Variants in OSBPL1A observed in about 807,000 individuals in gnomAD.
OSBPL1A encodes oxysterol-binding protein-related protein 1.
In OSBPL1A, 80 loss-of-function variants were observed where a neutral mutation model predicts 137.1. The ratio of observed to expected loss-of-function variants is 0.58; its 90% CI spans 0.49 to 0.70. The LOEUF (loss-of-function observed/expected upper bound fraction) is 0.70. OSBPL1A is among the 30% of genes least tolerant of loss of function. OSBPL1A has a pLI of 0.00. For missense variants in OSBPL1A, 970 were observed against 1,129.4 expected, an observed-to-expected ratio of 0.86 and a Z score of 2.02; for synonymous variants, 365 against 389.7, an observed-to-expected ratio of 0.94 and a Z score of 0.75.
chr18:24,174,573 C>T (rs551578960), intron 21 of OSBPL1A, among the ~76,000 whole-genome samples: 22 of 152,206 alleles, frequency 1.4e-4, no homozygotes, highest in Non-Finnish European at 2.6e-4. Flanking sequence ...TTTTAAAAAA[C>T]GGATACTCAA....
intron 18 of OSBPL1A, among the ~76,000 whole-genome samples, chr18:24,185,454 G>A (rs932225864): frequency 1.3e-5 from 2 of 151,926 alleles, no homozygotes; most frequent in Non-Finnish European, 2.9e-5. Flanking sequence ...CAAGGAGCTG[G>A]GACTACAGGC....
At chr18:24,382,940 A>C (rs1235869240) in intron 1 of OSBPL1A, among the ~76,000 whole-genome samples, 1 of 152,164 alleles carries the variant, frequency 6.6e-6, no homozygotes, top group East Asian at 1.9e-4. Flanking sequence ...ATGAAATTGC[A>C]ATATATTGTT....
At chr18:24,234,431 A>G (rs1004994429) in intron 16 of OSBPL1A, among the ~76,000 whole-genome samples, 6 of 152,216 alleles carry the variant, frequency 3.9e-5, no homozygotes, top group African/African-American at 1.4e-4. Flanking sequence ...AATTTAATCA[A>G]ATTTGTGGGG....
intron 15 of OSBPL1A, among the ~76,000 whole-genome samples, chr18:24,261,894 A>C (rs1454133822): frequency 6.6e-6 from 1 of 152,218 alleles, no homozygotes; most frequent in East Asian, 1.9e-4. Flanking sequence ...TTTTTCAAAG[A>C]AAAATACTCA....
intron 7 of OSBPL1A, among the ~76,000 whole-genome samples, chr18:24,332,261 C>T (rs1420479440): frequency 6.6e-6 from 1 of 151,634 alleles, no homozygotes; most frequent in Non-Finnish European, 1.5e-5. Context: ...AGGTGCATGC[C>T]TGCAGTTCCA....
At position 24,167,389 on chromosome 18, in the gene OSBPL1A, G is replaced by T; in HGVS notation, c.2475C>A (p.Phe825Leu). 1.1e-5 allele frequency: 17 copies of T among 1,614,218 alleles called. No homozygotes were observed. Among genetic ancestry groups the T allele is most frequent in the Non-Finnish European group, 1.4e-5 (17 of 1,180,048 alleles). ...EMPVPDSESV[F>L]IIPGSVLLWR... ...ATAGAAGAACGCTTCCAGGGATAATGAATACACTTTCAGAATCCGGCACTG... is the reference window on the plus strand; with the variant it reads ...ATAGAAGAACGCTTCCAGGGATAATTAATACACTTTCAGAATCCGGCACTG... Residue 825 changes from phenylalanine to leucine, a missense_variant, in exon 25 of 28, where the codon TTC (phenylalanine) becomes TTA (leucine). Around this residue, in one of 2 missense-constraint regions of OSBPL1A, gnomAD observed 323 missense variants for 456.8 expected, o/e 0.71. Coordinates refer to ENST00000319481, the MANE Select transcript of OSBPL1A (RefSeq NM_080597.4).
At chr18:24,202,485 G>C (rs1402949301) in intron 17 of OSBPL1A, among the ~76,000 whole-genome samples, 1 of 152,170 alleles carries the variant, frequency 6.6e-6, no homozygotes, top group African/African-American at 2.4e-5. Flanking sequence ...GTGTATTACA[G>C]ATATTTCATT....
intron 14 of OSBPL1A, among the ~76,000 whole-genome samples, chr18:24,283,281 A>AAT (rs869287828): frequency 0.13 from 10,024 of 76,918 alleles, 1,668 homozygotes; most frequent in East Asian, 0.55. Context: ...AAAAAAAAAA[A>AAT]ATATATATAT....
chr18:24,165,806 A>T (rs1379088665), intron 26 of OSBPL1A, among the ~76,000 whole-genome samples: 9 of 152,096 alleles, frequency 5.9e-5, no homozygotes, highest in Non-Finnish European at 1.3e-4. Flanking sequence ...ACACTATAAG[A>T]TAAAAATGGG....
chr18:24,374,594 T>C (rs976745221), intron 2 of OSBPL1A, among the ~76,000 whole-genome samples: 1 of 152,180 alleles, frequency 6.6e-6, no homozygotes, highest in Non-Finnish European at 1.5e-5. Context: ...AGGCTGCATT[T>C]TGGCTAACCA....
At chr18:24,280,261 T>C (rs549924883) in intron 15 of OSBPL1A, among the ~76,000 whole-genome samples, 1 of 152,270 alleles carries the variant, frequency 6.6e-6, no homozygotes, top group South Asian at 2.1e-4. Context: ...TTGTATTTTT[T>C]GGTAGAGACG....
At chr18:24,393,643 C>T (rs1045115138) in intron 1 of OSBPL1A, among the ~76,000 whole-genome samples, 7 of 151,942 alleles carry the variant, frequency 4.6e-5, no homozygotes, top group African/African-American at 1.7e-4. Flanking sequence ...TTAGTAGAGC[C>T]GGGGTTTCAC....
intron 5 of OSBPL1A, among the ~76,000 whole-genome samples, chr18:24,338,759 G>C (rs1260370072): frequency 1.3e-5 from 2 of 152,090 alleles, no homozygotes; most frequent in African/African-American, 4.8e-5. Flanking sequence ...TGTCACCCAG[G>C]CTGGACCACA....
At chr18:24,380,964 A>G (rs948164041) in intron 1 of OSBPL1A, among the ~76,000 whole-genome samples, 41 of 151,444 alleles carry the variant, frequency 2.7e-4, no homozygotes, top group Non-Finnish European at 5.5e-4. Flanking sequence ...AAAAAAAAAA[A>G]AAAAGAAAAG....
intron 5 of OSBPL1A, among the ~76,000 whole-genome samples, chr18:24,337,766 ATATATAT>A (rs1189717038): frequency 6.6e-6 from 1 of 151,126 alleles, no homozygotes; most frequent in Non-Finnish European, 1.5e-5. Flanking sequence ...GAATATAAAA[ATATATAT>A]TATATAATAT....
At chr18:24,194,505 T>C (rs534927179) in intron 18 of OSBPL1A, among the ~76,000 whole-genome samples, 6 of 152,196 alleles carry the variant, frequency 3.9e-5, no homozygotes, top group Non-Finnish European at 7.3e-5. Context: ...AAATACTAAT[T>C]TTTATCTTGA....
intron 1 of OSBPL1A, among the ~76,000 whole-genome samples, chr18:24,384,487 T>C (rs902444305): frequency 1.3e-5 from 2 of 151,150 alleles, no homozygotes; most frequent in Admixed American, 1.3e-4. Flanking sequence ...GGCACAAGAA[T>C]CACTTGAACC....
intron 4 of OSBPL1A, among the ~76,000 whole-genome samples, chr18:24,362,138 A>G (rs1230604221): frequency 6.6e-6 from 1 of 152,164 alleles, no homozygotes; most frequent in African/African-American, 2.4e-5. Context: ...GAAAGAATTT[A>G]TGGATATTAC....
At chr18:24,295,329 G>A (rs1038747906) in intron 14 of OSBPL1A, among the ~76,000 whole-genome samples, 2 of 152,164 alleles carry the variant, frequency 1.3e-5, no homozygotes, top group Admixed American at 1.3e-4. Flanking sequence ...TTTGTTGGAT[G>A]CATAGTTTGC....
Sources: allele counts gnomAD v4.1 joint callset (sites outside exome capture counted in the v4.1 genomes callset), GRCh38; gene constraint gnomAD v4.1.1; regional missense constraint gnomAD v4.1.1; transcripts MANE v1.5; gene names NCBI Gene and HGNC (gene_info 2026-07-23, HGNC 2026-07-21).